The following ADPRHL1 variants were observed in gnomAD, a reference collection of about 807,000 sequenced individuals.
ADPRHL1 encodes the protein ADP-ribosylhydrolase like 1.
In ADPRHL1, 43 loss-of-function variants were observed where a neutral mutation model predicts 44.1. The ratio of observed to expected loss-of-function variants is 0.98; its 90% CI spans 0.76 to 1.26. The LOEUF is 1.26. ADPRHL1 is among the 50% of genes most tolerant of loss of function. The probability of loss-of-function intolerance (pLI) is 0.00; values close to 1 mark genes in which losing one functional copy is unlikely to be tolerated. For synonymous variants in ADPRHL1, 878 were observed against 1,017.4 expected, an observed-to-expected ratio of 0.86 and a Z score of 2.61; for missense variants, 2,022 against 2,496.9, an observed-to-expected ratio of 0.81 and a Z score of 4.05.
chr13:113,412,748 AGCTCGGTTCACCCACCGCCAACAGCG>A (rs1566467614), intron 7 of ADPRHL1, among the ~76,000 whole-genome samples: 1 of 140,288 alleles, frequency 7.1e-6, no homozygotes, highest in Non-Finnish European at 1.5e-5. Flanking sequence ...TGCCCCGCGG[AGCTCGGTTCACCCACCGCCAACAGCG>A]CCCCGCAGAA....
rs116976024 is a variant in ADPRHL1 at position 113,441,513 on chromosome 13, G to A, written c.379+2912C>T. On this transcript the variant is annotated intron_variant, in intron 2 of 7. Coordinates refer to ENST00000612156, the MANE Select transcript of ADPRHL1 (RefSeq NM_001394807.1). The surrounding 1 kb of genome is among the most constrained non-coding windows in gnomAD (Gnocchi z 6.0). ...GCATACACGGTGTGGGAACCTCACC[G>A]TCATCGGCTTCCATCTCTCCCCTGC... Among the ~76,000 whole-genome samples the A allele has an allele frequency of 1.2e-3, 176 of 152,294 alleles. 2 individuals carry two copies. Among genetic ancestry groups the A allele is most frequent in the Non-Finnish European group, 2.1e-3 (143 of 68,028 alleles).
rs115337711 is a variant in ADPRHL1 at position 113,405,388 on chromosome 13, G to A, written c.3894C>T (p.Gly1298=). Residue 1298 remains glycine, a synonymous_variant, in exon 8 of 8, where the codon GGC becomes GGT. Coordinates refer to ENST00000612156, the MANE Select transcript of ADPRHL1 (RefSeq NM_001394807.1). ...CACGGGGAAACCTGACGCCCTCCCT[G>A]CCCTTTGCCTGTGGGTTCTCAGGAG... is the stretch of plus-strand genomic sequence containing the variant. ...PSPPENPQAK[G]REGVRFPRGA... The A allele has an allele frequency of 0.021, 25,929 of 1,231,944 alleles. 405 individuals carry two copies. The highest frequency in any genetic ancestry group is 0.075 in the African/African-American group (4,868 of 64,546). The allele number at this position is 1,231,944 out of a possible 1,614,324, so 76.3% of individuals were successfully genotyped here. A position where few individuals can be genotyped will look rare whatever the true frequency, so the allele number is the denominator to read the frequency against.
chr13:113,408,038 T>G lies in ADPRHL1; in HGVS notation c.1244A>C (p.His415Pro), dbSNP rs2043822227. ...GGTGGCCTCCTGGGTCTGGGGCTGG[T>G]GGCTGGGCCTGCTCCCCCCGGCCTC... ...GTEAGGSRPS[H>P]QPQTQEATQR... The change falls in exon 8 of 8, where the codon CAC becomes CCC. Residue 415 changes from histidine (H) to proline (P), a missense_variant. His to Pro is a moderately conservative substitution (Grantham distance 77, BLOSUM62 -2). Coordinates refer to ENST00000612156, the MANE Select transcript of ADPRHL1 (RefSeq NM_001394807.1). 8.1e-7 allele frequency: 1 copy of G among 1,232,630 alleles called. No individual in the cohort carries two copies. Among genetic ancestry groups the G allele is most frequent in the Non-Finnish European group, 1.0e-6 (1 of 988,498 alleles). The allele number at this position is 1,232,630 out of a possible 1,614,324, so 76.4% of individuals were successfully genotyped here.
At chr13:113,424,658 C>G (rs1468109632) in intron 5 of ADPRHL1, among the ~76,000 whole-genome samples, 2 of 11,560 alleles carry the variant, frequency 1.7e-4, no homozygotes, top group African/African-American at 2.9e-4. Flanking sequence ...GTTAGCCACC[C>G]ACCCATCCAT....
At chr13:113,420,350 C>T (rs529888097) in intron 7 of ADPRHL1, among the ~76,000 whole-genome samples, 1 of 152,068 alleles carries the variant, frequency 6.6e-6, no homozygotes, top group Admixed American at 6.5e-5. Context: ...CTGATTCTCA[C>T]GGAGGGGTTT....
At chr13:113,450,262 C>CAAAATAA (rs2044169781) in intron 1 of ADPRHL1, among the ~76,000 whole-genome samples, 3 of 152,110 alleles carry the variant, frequency 2.0e-5, no homozygotes, top group Non-Finnish European at 4.4e-5. Flanking sequence ...CCATAGGCTA[C>CAAAATAA]AATTTGTTAT....
chr13:113,441,547 G>A lies in ADPRHL1; in HGVS notation c.379+2878C>T, dbSNP rs185110485. Among the ~76,000 whole-genome samples the A allele has an allele frequency of 3.5e-4, 53 of 152,206 alleles. No homozygotes were observed. Among genetic ancestry groups the A allele is most frequent in the South Asian group, 8.3e-4 (4 of 4,814 alleles). On this transcript the variant is annotated intron_variant, in intron 2 of 7. Transcript: ENST00000612156. The surrounding 1 kb of genome is among the most constrained non-coding windows in gnomAD (Gnocchi z 6.0). ...TTCCATCTCTCCCCTGCTAGCCTTC[G>A]TGCTATTGTTGTTGTACATTCTACT...
chr13:113,444,837 A>C (rs543358780), intron 1 of ADPRHL1, among the ~76,000 whole-genome samples: 27 of 151,936 alleles, frequency 1.8e-4, no homozygotes, highest in Non-Finnish European at 3.2e-4. Context: ...GTCGGCCAGG[A>C]TGGTCTCGAT....
chr13:113,410,291 G>A (rs990529509), intron 7 of ADPRHL1, among the ~76,000 whole-genome samples: 7 of 152,152 alleles, frequency 4.6e-5, no homozygotes, highest in Non-Finnish European at 1.0e-4. Context: ...AGTGGATCAA[G>A]AGGCCTTGCT....
chr13:113,424,853 T>TTCATCCATTCACCCACCC (rs2043955988), intron 5 of ADPRHL1, among the ~76,000 whole-genome samples, 199 bp downstream of exon 5: 1 of 16,800 alleles, frequency 6.0e-5, no homozygotes, highest in African/African-American at 2.2e-4. Context: ...TCCACCCATC[T>TTCATCCATTCACCCACCC]ATTCATCCAT....
chr13:113,419,055 T>TTTCCTTCCCTCC (rs1566470041), intron 7 of ADPRHL1, among the ~76,000 whole-genome samples: 1 of 126,190 alleles, frequency 7.9e-6, no homozygotes, highest in Non-Finnish European at 1.7e-5. Flanking sequence ...CCTTCCTTCT[T>TTTCCTTCCCTCC]CTCCTTCCTT....
At chr13:113,420,917 C>G (rs1271999830) in intron 7 of ADPRHL1, among the ~76,000 whole-genome samples, 1 of 136,814 alleles carries the variant, frequency 7.3e-6, no homozygotes, top group Non-Finnish European at 1.6e-5. Flanking sequence ...ACCACTACCC[C>G]TGGGACATGC....
At chr13:113,437,259 G>A (rs1252373508) in intron 2 of ADPRHL1, among the ~76,000 whole-genome samples, 1 of 150,884 alleles carries the variant, frequency 6.6e-6, no homozygotes, top group Non-Finnish European at 1.5e-5. Context: ...CACATAGAGT[G>A]AACATAGGTG....
intron 4 of ADPRHL1, among the ~76,000 whole-genome samples, chr13:113,426,667 C>T (rs936692172): frequency 1.5e-4 from 23 of 152,132 alleles, no homozygotes; most frequent in Admixed American, 7.2e-4. Context: ...TCTTGTTCAG[C>T]GACATGAAAT....
At chr13:113,427,850 C>T (rs2139624354) in intron 4 of ADPRHL1, among the ~76,000 whole-genome samples, 1 of 151,354 alleles carries the variant, frequency 6.6e-6, no homozygotes, top group East Asian at 2.0e-4. Flanking sequence ...GAGCTGCGTC[C>T]AGGCGGGTAT....
Position 113,403,355 on chromosome 13 carries a change from AGC to A in ADPRHL1, c.*21_*22del. 1 of 1,231,868 alleles carries A rather than the reference AGC, an allele frequency of 8.1e-7. No homozygotes were observed. The highest frequency in any genetic ancestry group is 1.0e-6 in the Non-Finnish European group (1 of 987,880). The allele number at this position is 1,231,868 out of a possible 1,614,324, so 76.3% of individuals were successfully genotyped here. On this transcript the variant is annotated 3_prime_UTR_variant, in exon 8 of 8. Coordinates refer to ENST00000612156, the MANE Select transcript of ADPRHL1 (RefSeq NM_001394807.1). ...TGGGCGGATGTCACAGTGCTGGGCG[AGC>A]CACGGTGTGTACTCGGGGCCTCACT...
intron 4 of ADPRHL1, among the ~76,000 whole-genome samples, chr13:113,426,570 C>A (rs1435095361): frequency 6.6e-6 from 1 of 152,204 alleles, no homozygotes; most frequent in African/African-American, 2.4e-5. Context: ...AGGACCTGGA[C>A]GAGGCTCACA....
At chr13:113,439,730 G>A (rs552067401) in intron 2 of ADPRHL1, among the ~76,000 whole-genome samples, 1 of 152,190 alleles carries the variant, frequency 6.6e-6, no homozygotes, top group Non-Finnish European at 1.5e-5. Context: ...TTACAGGTGT[G>A]AGCCACCATG....
At position 113,402,236 on chromosome 13, in the gene ADPRHL1, T is replaced by G. The variant is rs1473927937; in HGVS notation, c.*1142A>C. On this transcript the variant is annotated 3_prime_UTR_variant, in exon 8 of 8. Coordinates refer to ENST00000612156, the MANE Select transcript of ADPRHL1 (RefSeq NM_001394807.1). ...GGTCCGGGTTTCAGAGGCCACCGAG[T>G]GGCCTGGGACGATGGATCGCGACAC... is the stretch of plus-strand genomic sequence containing the variant. The G allele has an allele frequency of 6.6e-6, 1 of 152,064 alleles. No homozygotes were observed. Among genetic ancestry groups the G allele is most frequent in the Non-Finnish European group, 1.5e-5 (1 of 68,028 alleles). 9.4% of individuals were successfully genotyped at this position (152,064 alleles called of 1,614,324 possible).
Sources: allele counts gnomAD v4.1 joint callset (sites outside exome capture counted in the v4.1 genomes callset), GRCh38; gene constraint gnomAD v4.1.1; non-coding constraint Gnocchi (gnomAD v3.1); transcripts MANE v1.5; gene names NCBI Gene and HGNC (gene_info 2026-07-23, HGNC 2026-07-21).